The following FBXL2 variants were observed in gnomAD, a reference collection of about 807,000 sequenced individuals.
FBXL2 encodes the protein F-box and leucine rich repeat protein 2.
FBXL2 carries 38 observed loss-of-function variants against 69.2 expected under a neutral mutation model. That is an observed-to-expected ratio of 0.55 (90% CI 0.42 to 0.72). The LOEUF is 0.72. Ranked by LOEUF, FBXL2 falls within the 30% of genes least tolerant of loss-of-function variation. The probability of loss-of-function intolerance (pLI) is 0.00; values close to 1 mark genes in which losing one functional copy is unlikely to be tolerated. For missense variants in FBXL2, 354 were observed against 520.3 expected (o/e 0.68, Z 3.11); for synonymous variants, 192 against 201.3 (o/e 0.95, Z 0.39).
At chr3:33,346,546 G>A (rs1304502256) in intron 2 of FBXL2, among the ~76,000 whole-genome samples, 1 of 152,042 alleles carries the variant, frequency 6.6e-6, no homozygotes, top group African/African-American at 2.4e-5. Context: ...GTGACATAGC[G>A]AGACCCCGTC....
chr3:33,313,898 T>C (rs2037440319), intron 2 of FBXL2, among the ~76,000 whole-genome samples: 1 of 152,240 alleles, frequency 6.6e-6, no homozygotes, highest in Admixed American at 6.5e-5. Context: ...TAATAGTTTG[T>C]GCCTTTTATA....
chr3:33,389,204 T>C (rs1170796891), downstream of FBXL2: 1 of 152,666 alleles, frequency 6.6e-6, no homozygotes, highest in African/African-American at 2.4e-5. Context: ...GTATGTGGTG[T>C]ATAAAAAGCC....
At chr3:33,302,984 T>C (rs1010934826) in intron 2 of FBXL2, 4 of 446,116 alleles carry the variant, frequency 9.0e-6, no homozygotes, top group Admixed American at 4.8e-5. Context: ...CCAGTGCTTA[T>C]CATAGGTCCT....
At chr3:33,406,913 A>T (rs758627259), downstream of FBXL2, among the ~76,000 whole-genome samples, 2 of 152,236 alleles carry the variant, frequency 1.3e-5, no homozygotes, top group Non-Finnish European at 2.9e-5. Context: ...GGTAACCAAC[A>T]GTAGTGACTA....
intron 13 of FBXL2, among the ~76,000 whole-genome samples, chr3:33,379,818 G>A (rs775799613): frequency 3.3e-5 from 5 of 151,894 alleles, no homozygotes; most frequent in Non-Finnish European, 5.9e-5. Flanking sequence ...GGCCAAGCAG[G>A]GTTTACTCCA....
At chr3:33,281,680 A>G (rs941621375) in intron 1 of FBXL2, among the ~76,000 whole-genome samples, 2 of 152,064 alleles carry the variant, frequency 1.3e-5, no homozygotes, top group East Asian at 1.9e-4. Flanking sequence ...AAGTGTTCCT[A>G]TTTCTCCACA....
At chr3:33,405,197 T>G (rs905257539), downstream of FBXL2, among the ~76,000 whole-genome samples, 1 of 152,156 alleles carries the variant, frequency 6.6e-6, no homozygotes. Context: ...GAAAAAAATT[T>G]TTAAAGATTT....
chr3:33,408,643 T>C, downstream of FBXL2: 1 of 1,544,222 alleles, frequency 6.5e-7, no homozygotes, highest in Non-Finnish European at 8.8e-7. Flanking sequence ...TATCTAACAC[T>C]GCACAAGGTT....
intron 1 of FBXL2, among the ~76,000 whole-genome samples, chr3:33,297,382 A>C (rs1306618512): frequency 6.6e-6 from 1 of 152,076 alleles, no homozygotes. Flanking sequence ...TTCCTTTCCA[A>C]TCTGGATGTC....
Position 33,384,055 on chromosome 3 carries a change from C to T in FBXL2, c.1018C>T (p.His340Tyr). ...ILHLSNSTCG[H>Y]ERLRVLELDN... is the part of the protein sequence containing the mutation. ...GCACCTGAGCAACAGTACCTGTGGCCATGAGAGGCTGCGGGTACTGGAGTT... is the reference window on the plus strand; with the variant it reads ...GCACCTGAGCAACAGTACCTGTGGCTATGAGAGGCTGCGGGTACTGGAGTT... The change falls in exon 14 of 15, where the codon CAT (histidine) becomes TAT (tyrosine). Residue 340 changes from histidine to tyrosine, a missense_variant. Transcript: ENST00000484457. The T allele has an allele frequency of 6.2e-7, 1 of 1,614,116 alleles. No individual in the cohort carries two copies. Among genetic ancestry groups the T allele is most frequent in the Non-Finnish European group, 8.5e-7 (1 of 1,180,018 alleles).
chr3:33,352,440 G>T (rs1463025322), intron 2 of FBXL2, among the ~76,000 whole-genome samples: 1 of 152,162 alleles, frequency 6.6e-6, no homozygotes, highest in Non-Finnish European at 1.5e-5. Flanking sequence ...CACTACTCAT[G>T]AAAGGAAAAG....
At chr3:33,306,285 TAGTC>T (rs1448237932) in intron 2 of FBXL2, among the ~76,000 whole-genome samples, 1 of 151,992 alleles carries the variant, frequency 6.6e-6, no homozygotes, top group Non-Finnish European at 1.5e-5. Flanking sequence ...ATACAATATA[TAGTC>T]AGAGAACTAC....
upstream of FBXL2, chr3:33,277,406 G>A: frequency 3.4e-6 from 4 of 1,189,458 alleles, no homozygotes; most frequent in East Asian, 3.2e-5. Flanking sequence ...CCGCCTCCGA[G>A]CCCACCTTGG....
At chr3:33,308,580 C>T (rs1367958885) in intron 2 of FBXL2, among the ~76,000 whole-genome samples, 1 of 152,188 alleles carries the variant, frequency 6.6e-6, no homozygotes, top group Non-Finnish European at 1.5e-5. Flanking sequence ...TTCTACATTA[C>T]ACACATAACA....
chr3:33,287,229 G>T (rs971128216), intron 1 of FBXL2, among the ~76,000 whole-genome samples: 2 of 152,090 alleles, frequency 1.3e-5, no homozygotes, highest in African/African-American at 2.4e-5. Flanking sequence ...ACAGTTAAGA[G>T]AATTTATATG....
Position 33,297,714 on chromosome 3 carries a change from A to C in FBXL2, c.54A>C (p.Glu18Asp). The change falls in exon 2 of 15, where the codon GAA becomes GAC. Residue 18 changes from glutamate (E) to aspartate (D), a missense_variant. Coordinates refer to ENST00000484457, the MANE Select transcript of FBXL2 (RefSeq NM_012157.5). Reference protein sequence around the residue: ...EGLINKKLPKELLLRIFSFLD... With the variant: ...EGLINKKLPKDLLLRIFSFLD... ...TTATTAACAAAAAGTTACCCAAAGA[A>C]CTTCTGTTAAGGTAAATGTAGATAA... 6.4e-7 allele frequency: 1 copy of C among 1,572,236 alleles called. No homozygotes were observed. The highest frequency in any genetic ancestry group is 8.7e-7 in the Non-Finnish European group (1 of 1,150,770).
intron 5 of FBXL2, among the ~76,000 whole-genome samples, chr3:33,365,896 G>T (rs1414669514): frequency 1.3e-5 from 2 of 152,158 alleles, no homozygotes; most frequent in African/African-American, 2.4e-5. Context: ...TACACTTTGT[G>T]TTCTTGCAGA....
rs1246050541 is a variant in FBXL2, at chr3:33,378,849, G to C, written c.951+108G>C. On this transcript the variant is annotated intron_variant, in intron 13 of 14. Transcript: ENST00000484457. Reference sequence around the variant, plus strand: ...CTTTCTGTAAGGTATCATCTCTCTTGATTTCAAAAATCTATTAATTGGGCT... The same window carrying C: ...CTTTCTGTAAGGTATCATCTCTCTTCATTTCAAAAATCTATTAATTGGGCT... The C allele has an allele frequency of 2.5e-6, 4 of 1,581,146 alleles. No individual in the cohort carries two copies. In the Admixed American group the frequency reaches 7.5e-5, roughly 30 times the overall value.
At chr3:33,316,689 C>T (rs193021078) in intron 2 of FBXL2, among the ~76,000 whole-genome samples, 96 of 152,182 alleles carry the variant, frequency 6.3e-4, no homozygotes, top group African/African-American at 2.0e-3. Flanking sequence ...TGGCACTTGG[C>T]GGTTTGGCCC....
Sources: gnomAD v4.1 joint callset for allele counts (sites outside exome capture counted in the v4.1 genomes callset) on GRCh38, gnomAD v4.1.1 for gene constraint, MANE v1.5 for transcripts, NCBI Gene and HGNC (gene_info 2026-07-23, HGNC 2026-07-21) for gene names.